Variants in PCDHGB1 observed in about 807,000 individuals in gnomAD.
PCDHGB1 encodes protocadherin gamma subfamily B, 1, also known as protocadherin gamma-B1.
In PCDHGB1, 34 loss-of-function variants were observed where a neutral mutation model predicts 56.6. The observed-to-expected ratio is 0.60, with a 90% confidence interval of 0.46 to 0.80. The LOEUF (loss-of-function observed/expected upper bound fraction) is 0.80. Ranked by LOEUF, PCDHGB1 falls within the 30% of genes least tolerant of loss-of-function variation. The pLI is 0.00. For missense variants in PCDHGB1, 1,278 were observed against 1,204.6 expected (o/e 1.06, Z -0.90); for synonymous variants, 561 against 505.9 (o/e 1.11, Z -1.46).
At chr5:141,371,738 C>A (rs765693064) in intron 1 of PCDHGB1, 9 of 1,613,934 alleles carry the variant, frequency 5.6e-6, no homozygotes, top group African/African-American at 1.3e-5. Context: ...TCAACGACAA[C>A]GTTCCCGTTT....
intron 1 of PCDHGB1, chr5:141,387,869 G>A (rs772536133): frequency 6.3e-7 from 1 of 1,590,306 alleles, no homozygotes; most frequent in Non-Finnish European, 8.5e-7. Context: ...TGAGCAAGCT[G>A]AGGAGAGCAA....
chr5:141,355,746 G>A (rs1759960259), intron 1 of PCDHGB1: 2 of 1,613,874 alleles, frequency 1.2e-6, no homozygotes, highest in Non-Finnish European at 1.7e-6. Context: ...CCCTGGACGT[G>A]CAAAGTGGGG....
At chr5:141,354,048 A>G (rs889128312) in intron 1 of PCDHGB1, among the ~76,000 whole-genome samples, 1 of 152,256 alleles carries the variant, frequency 6.6e-6, no homozygotes, top group African/African-American at 2.4e-5. Flanking sequence ...GGCACATGCA[A>G]TGATAATCCA....
In PCDHGB1 at chr5:141,350,224, A is replaced by G. The variant is rs545607392; in HGVS notation, c.-37A>G. On this transcript the variant is annotated 5_prime_UTR_variant, in exon 1 of 4. Coordinates refer to ENST00000523390, the MANE Select transcript of PCDHGB1 (RefSeq NM_018922.3). ...GTGCTGCCATTTCTTTTTGAAAAAC[A>G]TCCCAGAGGAAAGAAGCTCCGCGGA... is the stretch of plus-strand genomic sequence containing the variant. The G allele has an allele frequency of 1.7e-5, 26 of 1,496,556 alleles. No individual in the cohort carries two copies. In the East Asian group the frequency reaches 6.0e-4, roughly 35 times the overall value. The allele number at this position is 1,496,556 out of a possible 1,614,324, so 92.7% of individuals were successfully genotyped here.
intron 1 of PCDHGB1, chr5:141,371,832 G>T (rs765040359): frequency 6.2e-7 from 1 of 1,613,780 alleles, no homozygotes. Flanking sequence ...CTCGGATCCC[G>T]ACTTGGGACC....
intron 1 of PCDHGB1, chr5:141,384,513 G>A: frequency 6.2e-7 from 1 of 1,614,200 alleles, no homozygotes; most frequent in Non-Finnish European, 8.5e-7. Context: ...ATGACAGCGG[G>A]GACCCGCCTC....
chr5:141,410,175 C>T (rs202065305), intron 1 of PCDHGB1: 5 of 1,613,752 alleles, frequency 3.1e-6, no homozygotes, highest in Non-Finnish European at 8.5e-7. Flanking sequence ...TCTGCCACCG[C>T]CACGCTTCAT....
intron 1 of PCDHGB1, chr5:141,428,189 CTCTCTGCGCCGCTACGCTTCACCTAG>C: frequency 7.0e-7 from 1 of 1,429,262 alleles, no homozygotes; most frequent in Non-Finnish European, 9.7e-7. Flanking sequence ...ACAGCCGCCG[CTCTCTGCGCCGCTACGCTTCACCTAG>C]TCTTCGCAGA....
At chr5:141,478,163 C>T (rs779617960) in intron 1 of PCDHGB1, 1 of 1,614,028 alleles carries the variant, frequency 6.2e-7, no homozygotes, top group Non-Finnish European at 8.5e-7. Context: ...TGGCTCTGCC[C>T]CCCGGGAGCA....
intron 1 of PCDHGB1, among the ~76,000 whole-genome samples, chr5:141,434,766 A>T (rs1383531828): frequency 1.3e-5 from 2 of 151,012 alleles, no homozygotes; most frequent in Non-Finnish European, 3.0e-5. Context: ...CCCACTTCAC[A>T]CTTCTAAAAA....
Position 141,350,516 on chromosome 5 carries a change from A to G in PCDHGB1, c.256A>G (p.Arg86Gly). The change falls in exon 1 of 4, where the codon AGG becomes GGG. Residue 86 changes from arginine (R) to glycine (G), a missense_variant. Physicochemically the swap from Arg to Gly is moderately radical, Grantham distance 125. Coordinates refer to ENST00000523390, the MANE Select transcript of PCDHGB1 (RefSeq NM_018922.3). ...GAGCGGGGATTTGTTAGTGAACGGT[A>G]GGATAGATCGAGAGAAGATTTGCGG... is the stretch of plus-strand genomic sequence containing the variant. ...LESGDLLVNG[R>G]IDREKICGRK... is the part of the protein sequence containing the mutation. 1.2e-6 allele frequency: 2 copies of G among 1,614,046 alleles called. No homozygotes were observed. Among genetic ancestry groups the G allele is most frequent in the Non-Finnish European group, 1.7e-6 (2 of 1,179,902 alleles).
At chr5:141,395,170 AGAAAAATGATTCTT>A in intron 1 of PCDHGB1, 1 of 1,614,214 alleles carries the variant, frequency 6.2e-7, no homozygotes, top group Non-Finnish European at 8.5e-7. Flanking sequence ...GAGGGCTGTG[AGAAAAATGATTCTT>A]TGTTAACATC....
At position 141,371,326 on chromosome 5, in the gene PCDHGB1, A is replaced by C. The variant is rs761989628; in HGVS notation, c.2409+18657A>C. ...ACTATTGGAGAACTGGACTTTGAAG[A>C]GAGAGATAGCTACACAATTGGGGTG... On this transcript the variant is annotated intron_variant, in intron 1 of 3. Coordinates refer to ENST00000523390, the MANE Select transcript of PCDHGB1 (RefSeq NM_018922.3). 55 of 1,613,874 alleles carry C rather than the reference A, an allele frequency of 3.4e-5. No homozygotes were observed. The highest frequency in any genetic ancestry group is 4.5e-5 in the Non-Finnish European group (53 of 1,179,892).
intron 1 of PCDHGB1, among the ~76,000 whole-genome samples, chr5:141,473,542 G>A (rs1444751260): frequency 6.6e-6 from 1 of 152,176 alleles, no homozygotes; most frequent in Non-Finnish European, 1.5e-5. Flanking sequence ...GGGGCCTAAT[G>A]GAAGACCTCT....
chr5:141,398,148 G>T lies in PCDHGB1; in HGVS notation c.2409+45479G>T, dbSNP rs768560617. The T allele has an allele frequency of 9.4e-6, 14 of 1,497,140 alleles. 1 individual carries two copies. Among genetic ancestry groups the T allele is most frequent in the East Asian group, 9.3e-5 (4 of 42,788 alleles). 92.7% of individuals were successfully genotyped at this position (1,497,140 alleles called of 1,614,324 possible). On this transcript the variant is annotated intron_variant, in intron 1 of 3. Coordinates refer to ENST00000523390, the MANE Select transcript of PCDHGB1 (RefSeq NM_018922.3). ...GAGGGATGGGGAGCGGCGCCGGGGA[G>T]CTGGGCCGGGCTGAGAGGCTGCCAG...
At chr5:141,361,169 C>G in intron 1 of PCDHGB1, 2 of 1,613,908 alleles carry the variant, frequency 1.2e-6, no homozygotes, top group Non-Finnish European at 1.7e-6. Context: ...GATTGTGCAC[C>G]TGAAGTTATT....
At chr5:141,369,791 C>T (rs1275823255) in intron 1 of PCDHGB1, among the ~76,000 whole-genome samples, 1 of 152,190 alleles carries the variant, frequency 6.6e-6, no homozygotes, top group African/African-American at 2.4e-5. Flanking sequence ...CTTTATACTA[C>T]GTCTTCTGCC....
At chr5:141,507,807 A>AACGG (rs1465406594) in intron 3 of PCDHGB1, among the ~76,000 whole-genome samples, 2 of 152,152 alleles carry the variant, frequency 1.3e-5, no homozygotes, top group East Asian at 3.9e-4. Flanking sequence ...CGCCCTGGGG[A>AACGG]ACGGACCCTG....
At chr5:141,506,923 C>T (rs1414595306) in intron 3 of PCDHGB1, among the ~76,000 whole-genome samples, 4 of 152,184 alleles carry the variant, frequency 2.6e-5, no homozygotes, top group African/African-American at 9.7e-5. Context: ...ACATACTAAA[C>T]AAACTTTAGG....
Sources: allele counts gnomAD v4.1 joint callset (sites outside exome capture counted in the v4.1 genomes callset), GRCh38; gene constraint gnomAD v4.1.1; transcripts MANE v1.5; gene names NCBI Gene and HGNC (gene_info 2026-07-23, HGNC 2026-07-21).